Variants in MAPK10 observed in about 807,000 individuals in gnomAD.
MAPK10 encodes the protein mitogen-activated protein kinase 10.
MAPK10 carries 25 observed loss-of-function variants against 59.3 expected under a neutral mutation model. The ratio of observed to expected loss-of-function variants is 0.42; its 90% CI spans 0.31 to 0.59. The LOEUF (loss-of-function observed/expected upper bound fraction) is 0.59, where lower values mean the gene tolerates loss of function less well. Ranked by LOEUF, MAPK10 falls within the 20% of genes least tolerant of loss-of-function variation. The pLI, the probability that MAPK10 is intolerant of heterozygous loss-of-function variation, is 0.15. For synonymous variants in MAPK10, 190 were observed against 200.5 expected, an observed-to-expected ratio of 0.95 and a Z score of 0.44; for missense variants, 351 against 568.9, an observed-to-expected ratio of 0.62 and a Z score of 3.90.
intron 3 of MAPK10, chr4:86,160,190 G>A (rs1425778839): frequency 6.6e-6 from 1 of 151,498 alleles, no homozygotes; most frequent in Non-Finnish European, 1.5e-5. Flanking sequence ...AGTAATTGAT[G>A]AGTCTGTCTT....
At chr4:86,218,068 CAGTATCTATTCTG>C (rs1440334876) in intron 2 of MAPK10, among the ~76,000 whole-genome samples, 1 of 152,072 alleles carries the variant, frequency 6.6e-6, no homozygotes, top group African/African-American at 2.4e-5. Flanking sequence ...AAATATTTAA[CAGTATCTATTCTG>C]AGTGAGGCAC....
intron 2 of MAPK10, chr4:86,327,063 T>C (rs2096040290): frequency 6.6e-6 from 1 of 152,026 alleles, no homozygotes; most frequent in African/African-American, 2.4e-5. Flanking sequence ...CTCGACCTCC[T>C]AGGCTCAAGC....
At chr4:86,410,289 T>C (rs1434354400) in intron 1 of MAPK10, among the ~76,000 whole-genome samples, 1 of 152,206 alleles carries the variant, frequency 6.6e-6, no homozygotes, top group East Asian at 1.9e-4. Flanking sequence ...GATGTGCTGC[T>C]GGATTCAGTT....
intron 1 of MAPK10, among the ~76,000 whole-genome samples, chr4:86,590,295 C>A (rs558809361): frequency 1.3e-5 from 2 of 152,220 alleles, no homozygotes; most frequent in East Asian, 3.9e-4. Flanking sequence ...CCGCCCTTTG[C>A]CTGTACCTAG....
intron 11 of MAPK10, among the ~76,000 whole-genome samples, chr4:86,050,253 C>CT: frequency 6.6e-6 from 1 of 152,256 alleles, no homozygotes; most frequent in Non-Finnish European, 1.5e-5. Flanking sequence ...GGCACTAGTA[C>CT]TATGGTTATA....
intron 2 of MAPK10, among the ~76,000 whole-genome samples, chr4:86,227,574 C>T (rs1163956654): frequency 2.6e-5 from 4 of 151,960 alleles, no homozygotes; most frequent in Non-Finnish European, 4.4e-5. Flanking sequence ...TACTTTCTCA[C>T]CTGTCAGCAA....
intron 11 of MAPK10, among the ~76,000 whole-genome samples, chr4:86,063,668 TAGAA>T (rs901318686): frequency 4.6e-5 from 7 of 152,202 alleles, no homozygotes; most frequent in Admixed American, 3.3e-4. Context: ...ATTTTTAAAA[TAGAA>T]AGAGTTATGC....
chr4:86,161,667 A>T (rs1002414105), intron 3 of MAPK10, among the ~76,000 whole-genome samples: 3 of 152,096 alleles, frequency 2.0e-5, no homozygotes, highest in Non-Finnish European at 4.4e-5. Flanking sequence ...GTTTCTGACC[A>T]CACACAAAAT....
Position 86,109,405 on chromosome 4 carries a change from GC to G in MAPK10, c.237-2054del, listed in dbSNP as rs149934310. 2.9e-3 allele frequency among the ~76,000 whole-genome samples: 441 copies of G among 152,142 alleles called. 3 individuals are homozygous for G. The highest frequency in any genetic ancestry group is 0.01 in the African/African-American group (419 of 41,508). ...CTCCTCTGCTTCCTGGCCCCAACGG[GC>G]CCCAATGTGTCTGGTTCCCGTCCCT... On this transcript the variant is annotated intron_variant, in intron 4 of 13. Coordinates refer to ENST00000641462, the MANE Select transcript of MAPK10 (RefSeq NM_138982.4).
intron 2 of MAPK10, among the ~76,000 whole-genome samples, chr4:86,352,880 T>C (rs1277852318): frequency 3.3e-5 from 5 of 152,336 alleles, no homozygotes; most frequent in Middle Eastern, 3.4e-3. Context: ...TAATTTTGTC[T>C]AAGAGATCCT....
At chr4:86,467,940 T>C (rs1752350166) in intron 1 of MAPK10, among the ~76,000 whole-genome samples, 1 of 152,210 alleles carries the variant, frequency 6.6e-6, no homozygotes, top group African/African-American at 2.4e-5. Context: ...CTTGCTTACC[T>C]TGCAACGAGG....
At chr4:86,446,402 G>A (rs1344798119) in intron 1 of MAPK10, among the ~76,000 whole-genome samples, 2 of 151,968 alleles carry the variant, frequency 1.3e-5, no homozygotes, top group African/African-American at 4.8e-5. Context: ...TTTATTTTTT[G>A]AGAGAGTCTC....
intron 2 of MAPK10, among the ~76,000 whole-genome samples, chr4:86,324,415 C>CA (rs57977036): frequency 6.7e-6 from 1 of 148,436 alleles, no homozygotes; most frequent in Non-Finnish European, 1.5e-5. Context: ...AACTCCACCT[C>CA]AAAAAAATAA....
intron 9 of MAPK10, chr4:86,079,416 A>G (rs911636775): frequency 1.3e-5 from 2 of 152,186 alleles, no homozygotes; most frequent in African/African-American, 4.8e-5. Context: ...TTGAAGGTTA[A>G]TCTTTGGGGT....
intron 1 of MAPK10, among the ~76,000 whole-genome samples, chr4:86,498,057 A>G (rs1755020109): frequency 6.6e-6 from 1 of 152,226 alleles, no homozygotes; most frequent in Non-Finnish European, 1.5e-5. Flanking sequence ...CCTTTCTCTC[A>G]GGGATCTGTC....
chr4:86,349,383 T>C (rs1729972183), intron 2 of MAPK10, among the ~76,000 whole-genome samples: 2 of 152,196 alleles, frequency 1.3e-5, no homozygotes. Context: ...TCAATCTCTT[T>C]CTCATTCTTC....
Position 86,156,994 on chromosome 4 carries a change from A to AT in MAPK10, c.236+2303dup, listed in dbSNP as rs578100620. ...CCTCAAAGGCAGAAGGAAAATTTTCATTTTTTTCCAATATTTCACAGTAGC... is the reference window on the plus strand; with the variant it reads ...CCTCAAAGGCAGAAGGAAAATTTTCATTTTTTTTCCAATATTTCACAGTAGC... On this transcript the variant is annotated intron_variant, in intron 4 of 13. Coordinates refer to ENST00000641462, the MANE Select transcript of MAPK10 (RefSeq NM_138982.4). Among the ~76,000 whole-genome samples the AT allele has an allele frequency of 1.2e-3, 181 of 152,086 alleles. 1 individual carries two copies. Among genetic ancestry groups the AT allele is most frequent in the African/African-American group, 4.0e-3 (166 of 41,530 alleles).
At chr4:86,056,218 C>G (rs74376405) in intron 11 of MAPK10, among the ~76,000 whole-genome samples, 1 of 150,100 alleles carries the variant, frequency 6.7e-6, no homozygotes, top group Non-Finnish European at 1.5e-5. Context: ...GTGCTACACT[C>G]AAACTAACCA....
intron 4 of MAPK10, among the ~76,000 whole-genome samples, chr4:86,144,394 G>C (rs1225654914): frequency 6.6e-6 from 1 of 151,694 alleles, no homozygotes; most frequent in African/African-American, 2.4e-5. Context: ...GCATTGTCAG[G>C]GCTCTTTGAG....
Sources: allele counts gnomAD v4.1 joint callset (sites outside exome capture counted in the v4.1 genomes callset), GRCh38; gene constraint gnomAD v4.1.1; transcripts MANE v1.5; gene names NCBI Gene and HGNC (gene_info 2026-07-23, HGNC 2026-07-21).